The following GALNT14 variants were observed in gnomAD, a reference collection of about 807,000 sequenced individuals.
The protein encoded by GALNT14 is polypeptide N-acetylgalactosaminyltransferase 14.
Under a neutral mutation model 77.5 loss-of-function variants are expected in GALNT14, and 60 were observed. That is an observed-to-expected ratio of 0.77 (90% CI 0.63 to 0.96). GALNT14 has a LOEUF of 0.96. GALNT14 is among the 40% of genes least tolerant of loss of function. The pLI is 0.00. For missense variants in GALNT14, 710 were observed against 731.0 expected (o/e 0.97, Z 0.33); for synonymous variants, 280 against 281.7 (o/e 0.99, Z 0.06).
chr2:31,009,284 C>A (rs989573904), intron 1 of GALNT14, among the ~76,000 whole-genome samples: 1 of 151,638 alleles, frequency 6.6e-6, no homozygotes, highest in Admixed American at 6.6e-5. Context: ...TTCCTTGGCC[C>A]TTCAGCAACA....
At chr2:31,102,848 T>G (rs929403781) in intron 1 of GALNT14, among the ~76,000 whole-genome samples, 3 of 152,140 alleles carry the variant, frequency 2.0e-5, no homozygotes, top group African/African-American at 7.2e-5. Context: ...ATGTACCTTT[T>G]ATACATAGTT....
chr2:30,945,932 T>A (rs974294909), intron 6 of GALNT14, 62 bp from the exon 7 acceptor site: 1 of 1,422,302 alleles, frequency 7.0e-7, no homozygotes. Flanking sequence ...GTCAGGGAGC[T>A]TGGGATGGCC....
At chr2:31,133,656 C>T (rs1450272094) in intron 1 of GALNT14, among the ~76,000 whole-genome samples, 1 of 152,166 alleles carries the variant, frequency 6.6e-6, no homozygotes, top group Non-Finnish European at 1.5e-5. Flanking sequence ...GACAAATTTG[C>T]TGATATTTTT....
chr2:31,104,118 T>C (rs1317173515), intron 1 of GALNT14, among the ~76,000 whole-genome samples: 1 of 152,160 alleles, frequency 6.6e-6, no homozygotes, highest in East Asian at 1.9e-4. Flanking sequence ...CCTGGTATTT[T>C]TCTCCTCATA....
At chr2:31,055,712 G>A (rs1189825789) in intron 1 of GALNT14, among the ~76,000 whole-genome samples, 2 of 152,188 alleles carry the variant, frequency 1.3e-5, no homozygotes, top group Non-Finnish European at 1.5e-5. Flanking sequence ...CACTTGAAAA[G>A]GACTGAACAG....
chr2:30,992,148 A>G (rs1439242951), intron 2 of GALNT14, among the ~76,000 whole-genome samples: 4 of 152,196 alleles, frequency 2.6e-5, no homozygotes, highest in Non-Finnish European at 5.9e-5. Context: ...ACCAGGGAGC[A>G]TAAGGGCTGC....
chr2:30,921,079 A>G (rs570653624), intron 13 of GALNT14, among the ~76,000 whole-genome samples: 2 of 152,150 alleles, frequency 1.3e-5, no homozygotes, highest in South Asian at 4.2e-4. Flanking sequence ...CCTTTTTCAC[A>G]TGACAGGAAG....
chr2:30,933,918 AT>A (rs1665897514), intron 9 of GALNT14, among the ~76,000 whole-genome samples: 1 of 152,256 alleles, frequency 6.6e-6, no homozygotes, highest in Admixed American at 6.5e-5. Context: ...GCTAAGTGTG[AT>A]TGAAAGATCA....
At chr2:30,979,692 A>T (rs1862970) in intron 2 of GALNT14, among the ~76,000 whole-genome samples, 46,411 of 151,998 alleles carry the variant, frequency 0.31, 9,255 homozygotes, top group East Asian at 0.56. Context: ...CTCACTGCTC[A>T]GTGATCCACA....
At chr2:30,962,685 C>T (rs189841085) in intron 3 of GALNT14, among the ~76,000 whole-genome samples, 196 of 152,320 alleles carry the variant, frequency 1.3e-3, no homozygotes, top group Non-Finnish European at 2.3e-3. Context: ...TCTGAGTTCC[C>T]CACGTGAGCC....
intron 8 of GALNT14, among the ~76,000 whole-genome samples, chr2:30,942,720 C>T (rs776409991): frequency 4.6e-5 from 7 of 152,184 alleles, no homozygotes; most frequent in Non-Finnish European, 1.0e-4. Context: ...GGGCTACCGA[C>T]CACGCAGAGG....
downstream of GALNT14, among the ~76,000 whole-genome samples, chr2:30,906,982 G>A (rs894396275): frequency 2.0e-5 from 3 of 152,264 alleles, no homozygotes; most frequent in African/African-American, 7.2e-5. Flanking sequence ...TGAAATGAAG[G>A]CCGAAATAAA....
chr2:31,103,485 A>G (rs921956273), intron 1 of GALNT14, among the ~76,000 whole-genome samples: 2 of 142,644 alleles, frequency 1.4e-5, no homozygotes, highest in African/African-American at 5.9e-5. Flanking sequence ...TATAGAGAAG[A>G]AGGAAACACA....
chr2:31,012,863 G>T (rs752259399), intron 1 of GALNT14, among the ~76,000 whole-genome samples: 6 of 152,160 alleles, frequency 3.9e-5, no homozygotes, highest in Admixed American at 6.5e-5. Flanking sequence ...TTACCCAAAC[G>T]TGCTTCATGC....
At chr2:30,917,284 G>C (rs540160325) in intron 13 of GALNT14, among the ~76,000 whole-genome samples, 2 of 152,176 alleles carry the variant, frequency 1.3e-5, no homozygotes, top group East Asian at 3.9e-4. Context: ...CTGGGTGAAG[G>C]AGTGTTTCTA....
At chr2:31,066,419 CG>C (rs1250773545) in intron 1 of GALNT14, among the ~76,000 whole-genome samples, 2 of 76,756 alleles carry the variant, frequency 2.6e-5, no homozygotes, top group South Asian at 5.6e-4. Flanking sequence ...GGGCGGGGGG[CG>C]GGGGGGTGGT....
chr2:30,947,065 A>G (rs1156377109), intron 6 of GALNT14, among the ~76,000 whole-genome samples: 1 of 152,040 alleles, frequency 6.6e-6, no homozygotes, highest in East Asian at 1.9e-4. Context: ...AACCAGACCA[A>G]ATCCTGCTGG....
chr2:31,024,987 T>G (rs1671951232), intron 1 of GALNT14, among the ~76,000 whole-genome samples: 1 of 152,224 alleles, frequency 6.6e-6, no homozygotes, highest in South Asian at 2.1e-4. Flanking sequence ...GACTGCTGTG[T>G]GCAGCAGGCC....
chr2:30,922,539 A>C (rs993409999), intron 13 of GALNT14, among the ~76,000 whole-genome samples: 28 of 152,006 alleles, frequency 1.8e-4, no homozygotes, highest in Admixed American at 1.8e-3. Context: ...CCTCACTAGC[A>C]CCCTTGCTCA....
Sources: gnomAD v4.1 joint callset for allele counts (sites outside exome capture counted in the v4.1 genomes callset) on GRCh38, gnomAD v4.1.1 for gene constraint, MANE v1.5 for transcripts, NCBI Gene and HGNC (gene_info 2026-07-23, HGNC 2026-07-21) for gene names.